RPF1: variants seen among roughly 807,000 people sequenced by gnomAD.
RPF1 encodes the protein ribosome production factor 1 homolog, also known as ribosome production factor 1.
A neutral mutation model predicts 41.9 loss-of-function variants in RPF1; 34 were observed. That is an observed-to-expected ratio of 0.81 (90% CI 0.62 to 1.08). RPF1 has a LOEUF of 1.08. Ranked by LOEUF, RPF1 falls within the 50% of genes least tolerant of loss-of-function variation. The pLI, the probability that RPF1 is intolerant of heterozygous loss-of-function variation, is 0.00. For synonymous variants in RPF1, 140 were observed against 148.9 expected, an observed-to-expected ratio of 0.94 and a Z score of 0.43; for missense variants, 425 against 435.2, an observed-to-expected ratio of 0.98 and a Z score of 0.21.
At chr1:84,481,133 C>T in intron 2 of RPF1, 121 bp downstream of exon 2, 1 of 578,048 alleles carries the variant, frequency 1.7e-6, no homozygotes, top group Non-Finnish European at 3.0e-6. Flanking sequence ...TGAAGAAATA[C>T]AAAAGTAATA....
rs1232540805 is a variant in RPF1, at chr1:84,495,403, G to GC, written c.650dup (p.Thr218AsnfsTer5). Reference sequence around the variant, plus strand: ...CTTATTTTGAGTCACTTGCCAAATGGCCCAACTGCTCATTTTAAAATGAGC... The same window carrying GC: ...CTTATTTTGAGTCACTTGCCAAATGGCCCCAACTGCTCATTTTAAAATGAGC... On this transcript the variant is annotated frameshift_variant, in exon 6 of 9. Coordinates refer to ENST00000370654, the MANE Select transcript of RPF1 (RefSeq NM_025065.7). LOFTEE classifies it high-confidence loss of function. 6.5e-7 allele frequency: 1 copy of GC among 1,533,410 alleles called. No homozygotes were observed. The highest frequency in any genetic ancestry group is 2.3e-5 in the East Asian group (1 of 43,980). The allele number at this position is 1,533,410 out of a possible 1,614,324, so 95.0% of individuals were successfully genotyped here.
chr1:84,486,570 AGAGC>A (rs1681743671), intron 3 of RPF1, among the ~76,000 whole-genome samples: 2 of 144,678 alleles, frequency 1.4e-5, no homozygotes, highest in East Asian at 4.0e-4. Context: ...CATGGGCGAC[AGAGC>A]GAGACTCCGT....
intron 6 of RPF1, 37 bp from the exon 7 acceptor site, chr1:84,495,845 A>G (rs1228640618): frequency 2.9e-6 from 4 of 1,359,086 alleles, no homozygotes; most frequent in African/African-American, 2.9e-5. Flanking sequence ...CAATTAGCTT[A>G]GCCCATTGTG....
Position 84,482,950 on chromosome 1 carries a change from C to T in RPF1, c.321C>T (p.Asn107=). Residue 107 remains asparagine (N), a synonymous_variant, in exon 3 of 9, where the codon AAC becomes AAT. Coordinates refer to ENST00000370654, the MANE Select transcript of RPF1 (RefSeq NM_025065.7). ...AGCCTGTACCCAAGACCATTGACAACCAGCGAGTGTATGATGAAACCACAG... is the reference window on the plus strand; with the variant it reads ...AGCCTGTACCCAAGACCATTGACAATCAGCGAGTGTATGATGAAACCACAG... ...PPKPVPKTID[N]QRVYDETTVD... is the part of the protein sequence containing the mutation. 1 of 1,612,046 alleles carries T rather than the reference C, an allele frequency of 6.2e-7. No individual in the cohort carries two copies. The highest frequency in any genetic ancestry group is 8.5e-7 in the Non-Finnish European group (1 of 1,178,232).
rs771947416 is a variant in RPF1 at position 84,489,614 on chromosome 1, T to C, written c.367-19T>C. 5.0e-6 allele frequency: 7 copies of C among 1,406,842 alleles called. No individual in the cohort carries two copies. The East Asian group carries it at 1.6e-4, about 32-fold the overall frequency. The allele number at this position is 1,406,842 out of a possible 1,614,324, so 87.1% of individuals were successfully genotyped here. ...GAGTATTTCTTTGATGTAAAATTAT[T>C]CCTCTTCTCTGTTCTCAGGTCGCTT... On this transcript the variant is annotated intron_variant, in intron 3 of 8. Coordinates refer to ENST00000370654, the MANE Select transcript of RPF1 (RefSeq NM_025065.7).
chr1:84,484,433 C>CAA (rs753464309), intron 3 of RPF1, among the ~76,000 whole-genome samples: 18 of 138,792 alleles, frequency 1.3e-4, no homozygotes, highest in Admixed American at 5.8e-4. Context: ...TCCTTTTTAG[C>CAA]AAAAAAAAAA....
chr1:84,479,385 C>T lies in RPF1; in HGVS notation c.104C>T (p.Ala35Val), dbSNP rs868058330. ...GAGGCTGCAGGCGCTGGGGATGGGG[C>T]GACGGAAAACGGGGTCCAACCCCCG... The part of the protein sequence containing the change: ...LQEAAGAGDG[A>V]TENGVQPPKA... Residue 35 changes from alanine to valine, a missense_variant, in exon 1 of 9, where the codon GCG (alanine) becomes GTG (valine). Coordinates refer to ENST00000370654, the MANE Select transcript of RPF1 (RefSeq NM_025065.7). The T allele has an allele frequency of 6.2e-7, 1 of 1,614,030 alleles. No homozygotes were observed. Among genetic ancestry groups the T allele is most frequent in the Non-Finnish European group, 8.5e-7 (1 of 1,180,004 alleles).
In RPF1 at chr1:84,482,438, C is replaced by T. The variant is rs532039441; in HGVS notation, c.286-477C>T. Reference sequence around the variant, plus strand: ...TGTATTTCTTCGTTCAAATTTCTCCCCCATTTACATTCCTGAACATAAATA... The same window carrying T: ...TGTATTTCTTCGTTCAAATTTCTCCTCCATTTACATTCCTGAACATAAATA... On this transcript the variant is annotated intron_variant, in intron 2 of 8. Transcript: ENST00000370654. 2.0e-5 allele frequency among the ~76,000 whole-genome samples: 3 copies of T among 152,224 alleles called. No individual in the cohort carries two copies. In the South Asian group the frequency reaches 6.2e-4, roughly 32 times the overall value.
intron 5 of RPF1, among the ~76,000 whole-genome samples, chr1:84,494,907 A>T (rs1681900102): frequency 6.6e-6 from 1 of 152,164 alleles, no homozygotes; most frequent in Admixed American, 6.5e-5. Context: ...GTCTCATGGG[A>T]TGTTATTCAA....
chr1:84,483,265 TTTTTGTTTTTGA>T (rs376827595), intron 3 of RPF1: 74 of 398,106 alleles, frequency 1.9e-4, no homozygotes, highest in East Asian at 1.2e-3. Context: ...TTTGTTTTTG[TTTTTGTTTTTGA>T]TTTTGTTGAG....
In RPF1 at chr1:84,479,476, A is replaced by C; in HGVS notation, c.195A>C (p.Leu65Phe). The C allele has an allele frequency of 1.2e-6, 2 of 1,614,186 alleles. No individual in the cohort carries two copies. Among genetic ancestry groups the C allele is most frequent in the Non-Finnish European group, 1.7e-6 (2 of 1,180,002 alleles). The change falls in exon 1 of 9, where the codon TTA becomes TTC. Residue 65 changes from leucine to phenylalanine, a missense_variant. Transcript: ENST00000370654. The stretch of plus-strand genomic sequence containing the variant: ...TTAAAAACAAACAGCGGCGACACTT[A>C]ATGTTCACGCGGTGGAAACAGCAGC... ...SEIKNKQRRH[L>F]MFTRWKQQQR...
chr1:84,494,768 A>T (rs1188595775), intron 5 of RPF1, among the ~76,000 whole-genome samples: 1 of 152,202 alleles, frequency 6.6e-6, no homozygotes, highest in Non-Finnish European at 1.5e-5. Context: ...TTCATGGGAA[A>T]TGACAGTCAG....
rs770205933 is a variant in RPF1, at chr1:84,495,856, ATATT to A, written c.700-20_700-17del. 5.1e-5 allele frequency: 74 copies of A among 1,440,518 alleles called. No individual in the cohort carries two copies. In the African/African-American group the frequency reaches 7.7e-4, roughly 15 times the overall value. 89.2% of individuals were successfully genotyped at this position (1,440,518 alleles called of 1,614,324 possible). On this transcript the variant is annotated intron_variant, in intron 6 of 8. Coordinates refer to ENST00000370654, the MANE Select transcript of RPF1 (RefSeq NM_025065.7). ...TTGCCAATTAGCTTAGCCCATTGTG[ATATT>A]TATTTTTCATTATTTTTCTAGAGAA...
chr1:84,496,044 A>G lies in RPF1; in HGVS notation c.862A>G (p.Ile288Val), dbSNP rs529910681. Residue 288 changes from isoleucine to valine, a missense_variant, in exon 7 of 9, where the codon ATA becomes GTA. Ile to Val is a conservative substitution (Grantham distance 29). Coordinates refer to ENST00000370654, the MANE Select transcript of RPF1 (RefSeq NM_025065.7). Reference protein sequence around the residue: ...VATFHNQRDYIFFRFHRYIFR... With the variant: ...VATFHNQRDYVFFRFHRYIFR... ...CACATTCCACAATCAACGGGATTAC[A>G]TATTCTTCAGATTTCACAGGTGAGG... The G allele has an allele frequency of 1.9e-6, 3 of 1,608,504 alleles. No homozygotes were observed. Among genetic ancestry groups the G allele is most frequent in the Non-Finnish European group, 2.5e-6 (3 of 1,177,342 alleles).
intron 5 of RPF1, among the ~76,000 whole-genome samples, chr1:84,491,882 C>T (rs144105413): frequency 3.9e-5 from 6 of 152,220 alleles, no homozygotes; most frequent in East Asian, 1.9e-4. Context: ...ATTTTCTGGC[C>T]GGATGCGGTG....
chr1:84,483,253 G>GTTTCGT, intron 3 of RPF1: 1 of 433,450 alleles, frequency 2.3e-6, no homozygotes, highest in Admixed American at 3.7e-5. Context: ...ATTTTGGAGG[G>GTTTCGT]TTTTGTTTTT....
intron 3 of RPF1, among the ~76,000 whole-genome samples, chr1:84,484,433 CAA>C (rs753464309): frequency 2.2e-5 from 3 of 138,694 alleles, no homozygotes. Flanking sequence ...TCCTTTTTAG[CAA>C]AAAAAAAAAA....
Position 84,495,882 on chromosome 1 carries a change from A to G in RPF1, c.700A>G (p.Arg234Gly), listed in dbSNP as rs746221614. Residue 234 changes from arginine to glycine, a missense_variant and splice_region_variant, in exon 7 of 9, where the codon AGA (arginine) becomes GGA (glycine). Arg to Gly is a moderately radical substitution (Grantham distance 125). Transcript: ENST00000370654. ...SSVRLRKEIK[R>G]RGKDPTEHIP... ...TATTTATTTTTCATTATTTTTCTAG[A>G]GAAGAGGCAAGGACCCCACAGAACA... The G allele has an allele frequency of 6.4e-7, 1 of 1,561,434 alleles. No homozygotes were observed. The highest frequency in any genetic ancestry group is 2.0e-5 in the Admixed American group (1 of 50,972).
In RPF1 at chr1:84,490,457, G is replaced by A. The variant is rs757196951; in HGVS notation, c.601G>A (p.Asp201Asn). 1 of 1,590,230 alleles carries A rather than the reference G, an allele frequency of 6.3e-7. No individual in the cohort carries two copies. The change falls in exon 5 of 9, where the codon GAT (aspartate) becomes AAT (asparagine). Residue 201 changes from aspartate to asparagine, a missense_variant. Transcript: ENST00000370654. ...CACAGACCTGATTGTTATTAATGAA[G>A]ATCGTAAAACCCCAAGTATCCTTTT... ...DFTDLIVINE[D>N]RKTPNGLILS...
Sources: allele counts gnomAD v4.1 joint callset (sites outside exome capture counted in the v4.1 genomes callset), GRCh38; gene constraint gnomAD v4.1.1; transcripts MANE v1.5; gene names NCBI Gene and HGNC (gene_info 2026-07-23, HGNC 2026-07-21).